Variants in DPP10 observed in about 807,000 individuals in gnomAD.
DPP10 encodes dipeptidyl peptidase like 10.
DPP10 carries 33 observed loss-of-function variants against 120.9 expected under a neutral mutation model. The ratio of observed to expected loss-of-function variants is 0.27; its 90% confidence interval spans 0.21 to 0.37. DPP10 has a LOEUF of 0.37. DPP10 is among the 10% of genes least tolerant of loss of function. The pLI is 1.00. For missense variants in DPP10, 816 were observed against 942.8 expected, an observed-to-expected ratio of 0.87 and a Z score of 1.76; for synonymous variants, 337 against 326.1, an observed-to-expected ratio of 1.03 and a Z score of -0.36.
At chr2:115,777,326 G>C in intron 14 of DPP10, 27 bp downstream of exon 14, 2 of 1,591,858 alleles carry the variant, frequency 1.3e-6, no homozygotes, top group Non-Finnish European at 1.7e-6. Context: ...CTCTAGTCAG[G>C]CTGCAAGTTA....
intron 1 of DPP10, among the ~76,000 whole-genome samples, chr2:114,665,320 C>G (rs968295432): frequency 6.6e-6 from 1 of 152,214 alleles, no homozygotes; most frequent in Non-Finnish European, 1.5e-5. Context: ...GCAGCTTTTT[C>G]TACATCCCTG....
intron 1 of DPP10, among the ~76,000 whole-genome samples, chr2:114,445,648 G>C (rs1365490493): frequency 6.6e-6 from 1 of 151,794 alleles, no homozygotes; most frequent in African/African-American, 2.4e-5. Flanking sequence ...ATTGTTGCCA[G>C]TGAAGGCTGT....
At chr2:114,499,879 AC>A (rs1683010328) in intron 1 of DPP10, among the ~76,000 whole-genome samples, 1 of 152,166 alleles carries the variant, frequency 6.6e-6, no homozygotes, top group South Asian at 2.1e-4. Flanking sequence ...CCAATTCTCC[AC>A]CCCTGTGAAA....
chr2:115,524,949 T>C (rs1253457345), intron 4 of DPP10, among the ~76,000 whole-genome samples: 1 of 152,038 alleles, frequency 6.6e-6, no homozygotes, highest in Non-Finnish European at 1.5e-5. Context: ...ATCCATTGTG[T>C]TTTGGGGTCC....
At chr2:115,315,274 CAT>C (rs201301372) in intron 2 of DPP10, among the ~76,000 whole-genome samples, 6 of 151,248 alleles carry the variant, frequency 4.0e-5, no homozygotes, top group African/African-American at 1.2e-4. Context: ...CACACACACA[CAT>C]ACACACACAC....
intron 3 of DPP10, chr2:115,468,063 G>T (rs1172825963): frequency 2.4e-6 from 1 of 409,296 alleles, no homozygotes. Flanking sequence ...ACAATGTCTG[G>T]AACCTGCGAT....
intron 1 of DPP10, among the ~76,000 whole-genome samples, chr2:115,221,422 C>T (rs941878421): frequency 2.6e-5 from 4 of 152,008 alleles, no homozygotes; most frequent in African/African-American, 4.8e-5. Context: ...ATGGCTCATG[C>T]GGAACAGCCT....
chr2:115,800,191 A>G (rs374912782), intron 19 of DPP10, among the ~76,000 whole-genome samples: 1 of 151,672 alleles, frequency 6.6e-6, no homozygotes, highest in Non-Finnish European at 1.5e-5. Flanking sequence ...GCCAGTGATG[A>G]TGAGCATTTT....
chr2:114,862,743 T>A (rs1689913666), intron 1 of DPP10, among the ~76,000 whole-genome samples: 1 of 152,088 alleles, frequency 6.6e-6, no homozygotes, highest in Admixed American at 6.5e-5. Flanking sequence ...ATTATTTAAA[T>A]AGAAGCAATG....
intron 1 of DPP10, among the ~76,000 whole-genome samples, chr2:114,596,155 C>CT (rs5833552): frequency 1 from 152,045 of 152,072 alleles, 76,009 homozygotes; most frequent in Middle Eastern, 1. Context: ...AAATATGCAA[C>CT]TTTTTTAGCT....
chr2:114,942,912 T>G (rs566898128), intron 1 of DPP10, among the ~76,000 whole-genome samples: 102 of 152,286 alleles, frequency 6.7e-4, no homozygotes, highest in African/African-American at 2.4e-3. Flanking sequence ...TTCTTTTGTT[T>G]ATTATGCTTT....
intron 1 of DPP10, among the ~76,000 whole-genome samples, chr2:115,133,308 C>CA (rs1029184337): frequency 5.1e-4 from 76 of 149,084 alleles, no homozygotes; most frequent in African/African-American, 1.8e-3. Context: ...AAACAAAAAG[C>CA]AAAAAACAAC....
intron 1 of DPP10, among the ~76,000 whole-genome samples, chr2:114,479,749 A>C (rs574236274): frequency 6.6e-6 from 1 of 152,288 alleles, no homozygotes; most frequent in South Asian, 2.1e-4. Context: ...TAGACCCAAA[A>C]CCATCAAAAC....
chr2:115,739,727 C>A lies in DPP10; in HGVS notation c.698-12C>A. ...TCTACAGTTGGTCTCAAATAACACT[C>A]ATTTATTCTAGAGGAACTCCTGCAT... On this transcript the variant is annotated splice_polypyrimidine_tract_variant and intron_variant, in intron 8 of 25. Coordinates refer to ENST00000410059, the MANE Select transcript of DPP10 (RefSeq NM_020868.6). The A allele has an allele frequency of 6.2e-7, 1 of 1,612,290 alleles. No individual in the cohort carries two copies. Among genetic ancestry groups the A allele is most frequent in the South Asian group, 1.1e-5 (1 of 90,936 alleles).
At chr2:114,559,912 A>G (rs908996134) in intron 1 of DPP10, among the ~76,000 whole-genome samples, 1 of 138,588 alleles carries the variant, frequency 7.2e-6, no homozygotes, top group African/African-American at 2.8e-5. Flanking sequence ...AAAAAAAAAA[A>G]CAAAGGAAGG....
chr2:115,445,442 G>A (rs149424586), intron 3 of DPP10, among the ~76,000 whole-genome samples: 159 of 152,290 alleles, frequency 1.0e-3, no homozygotes, highest in African/African-American at 3.8e-3. Flanking sequence ...GACCAAAATG[G>A]TGATAGTGAT....
intron 1 of DPP10, among the ~76,000 whole-genome samples, chr2:114,936,035 G>A (rs1696438294): frequency 6.6e-6 from 1 of 151,760 alleles, no homozygotes; most frequent in Non-Finnish European, 1.5e-5. Context: ...GGTAGTGTTT[G>A]GTTACATGAA....
intron 17 of DPP10, among the ~76,000 whole-genome samples, chr2:115,787,206 G>A (rs1441857501): frequency 6.6e-6 from 1 of 152,114 alleles, no homozygotes; most frequent in Non-Finnish European, 1.5e-5. Context: ...ATGTCACAAT[G>A]GTTGGTATCT....
chr2:114,633,152 G>A (rs1695059104), intron 1 of DPP10, among the ~76,000 whole-genome samples: 1 of 150,362 alleles, frequency 6.7e-6, no homozygotes, highest in African/African-American at 2.5e-5. Context: ...ATATTAAAAT[G>A]GAAATCAATT....
Sources: allele counts gnomAD v4.1 joint callset (sites outside exome capture counted in the v4.1 genomes callset), GRCh38; gene constraint gnomAD v4.1.1; transcripts MANE v1.5; gene names NCBI Gene and HGNC (gene_info 2026-07-23, HGNC 2026-07-21).